SH2B3: variants seen among roughly 807,000 people sequenced by gnomAD.
SH2B3 encodes the protein SH2B adapter protein 3.
Under a neutral mutation model 51.9 loss-of-function variants are expected in SH2B3, and 43 were observed. The observed-to-expected ratio is 0.83, with a 90% CI of 0.65 to 1.07. The LOEUF (loss-of-function observed/expected upper bound fraction) is 1.07, where lower values mean the gene tolerates loss of function less well. Ranked by LOEUF, SH2B3 falls within the 50% of genes least tolerant of loss-of-function variation. The probability of loss-of-function intolerance (pLI) is 0.00; values close to 1 mark genes in which losing one functional copy is unlikely to be tolerated. For synonymous variants in SH2B3, 396 were observed against 376.0 expected (o/e 1.05, Z -0.62); for missense variants, 952 against 834.3 (o/e 1.14, Z -1.74).
chr12:111,448,727 G>A lies in SH2B3; in HGVS notation c.*425G>A, dbSNP rs144008428. On this transcript the variant is annotated 3_prime_UTR_variant, in exon 8 of 8. Coordinates refer to ENST00000341259, the MANE Select transcript of SH2B3 (RefSeq NM_005475.3). Reference sequence around the variant, plus strand: ...CAGGAAGCCCAGAACACTAACAAGCGGTTCTCCCATCTACCGTCAGTCCAC... The same window carrying A: ...CAGGAAGCCCAGAACACTAACAAGCAGTTCTCCCATCTACCGTCAGTCCAC... The A allele has an allele frequency of 2.8e-4, 53 of 188,692 alleles. 1 individual carries two copies. The highest frequency in any genetic ancestry group is 1.1e-3 in the African/African-American group (47 of 42,674). The allele number at this position is 188,692 out of a possible 1,614,324, so 11.7% of individuals were successfully genotyped here.
At chr12:111,430,018 G>A (rs1216603634) in intron 2 of SH2B3, among the ~76,000 whole-genome samples, 5 of 152,298 alleles carry the variant, frequency 3.3e-5, no homozygotes, top group East Asian at 1.9e-4. Flanking sequence ...TTAAGAAGCC[G>A]GTTTTTTCCT....
chr12:111,435,453 C>G lies in SH2B3; in HGVS notation c.733-11300C>G, dbSNP rs1424344415. Among the ~76,000 whole-genome samples, 1 of 152,244 alleles carries G rather than the reference C, an allele frequency of 6.6e-6. No homozygotes were observed. The highest frequency in any genetic ancestry group is 1.5e-5 in the Non-Finnish European group (1 of 68,040). On this transcript the variant is annotated intron_variant, in intron 2 of 7. Coordinates refer to ENST00000341259, the MANE Select transcript of SH2B3 (RefSeq NM_005475.3). This position sits in a 1 kb window ranked among gnomAD's most constrained non-coding sequence, Gnocchi z 4.8. Reference sequence around the variant, plus strand: ...TCGGCTCACTGCAACCTCCGCCTCCCAGGTTCAGGTGATTCTCGTGCCTCA... The same window carrying G: ...TCGGCTCACTGCAACCTCCGCCTCCGAGGTTCAGGTGATTCTCGTGCCTCA...
intron 2 of SH2B3, among the ~76,000 whole-genome samples, chr12:111,422,239 C>G (rs1364612972): frequency 6.6e-6 from 1 of 152,092 alleles, no homozygotes; most frequent in African/African-American, 2.4e-5. Context: ...TGCCACCACA[C>G]CCAGCTGATT....
At chr12:111,411,049 A>G (rs1870657667) in intron 1 of SH2B3, among the ~76,000 whole-genome samples, 1 of 151,996 alleles carries the variant, frequency 6.6e-6, no homozygotes, top group African/African-American at 2.4e-5. Flanking sequence ...GGCCCAATTT[A>G]ACTTCATTTA....
At chr12:111,439,955 C>T (rs1873251559) in intron 2 of SH2B3, among the ~76,000 whole-genome samples, 1 of 152,204 alleles carries the variant, frequency 6.6e-6, no homozygotes, top group African/African-American at 2.4e-5. Context: ...CCACCACTTT[C>T]TGCCTTTGAG....
intron 2 of SH2B3, among the ~76,000 whole-genome samples, chr12:111,420,677 C>T (rs1324209214): frequency 6.6e-6 from 1 of 152,206 alleles, no homozygotes; most frequent in Admixed American, 6.5e-5. Context: ...GGAGCACCTA[C>T]TATGTGTTAG....
Position 111,438,165 on chromosome 12 carries a change from T to C in SH2B3, c.733-8588T>C, listed in dbSNP as rs1012969851. 1.4e-5 allele frequency among the ~76,000 whole-genome samples: 2 copies of C among 143,564 alleles called. No homozygotes were observed. The highest frequency in any genetic ancestry group is 3.0e-5 in the Non-Finnish European group (2 of 65,708). 94.2% of individuals were successfully genotyped at this position (143,564 alleles called of 152,430 possible). On this transcript the variant is annotated intron_variant, in intron 2 of 7. Coordinates refer to ENST00000341259, the MANE Select transcript of SH2B3 (RefSeq NM_005475.3). The surrounding 1 kb of genome is among the most constrained non-coding windows in gnomAD (Gnocchi z 4.2). ...GGGCATCACAAATGCAGGGGCTGGGTGGCAGGGGAAGGTGTGGGCGGGAAG... is the reference window on the plus strand; with the variant it reads ...GGGCATCACAAATGCAGGGGCTGGGCGGCAGGGGAAGGTGTGGGCGGGAAG...
Position 111,429,623 on chromosome 12 carries a change from C to A in SH2B3, c.732+10746C>A, listed in dbSNP as rs1872298004. 6.6e-6 allele frequency among the ~76,000 whole-genome samples: 1 copy of A among 152,232 alleles called. No homozygotes were observed. The highest frequency in any genetic ancestry group is 6.5e-5 in the Admixed American group (1 of 15,284). On this transcript the variant is annotated intron_variant, in intron 2 of 7. Coordinates refer to ENST00000341259, the MANE Select transcript of SH2B3 (RefSeq NM_005475.3). The surrounding 1 kb of genome is among the most constrained non-coding windows in gnomAD (Gnocchi z 4.4). ...TGCTAGGATTACAGGCGTGAGCTAC[C>A]GCGCCCGGCCCATTTTTATTAATTG...
In SH2B3 at chr12:111,407,879, G is replaced by A. The variant is rs1256392639; in HGVS notation, c.-28+1602G>A. 1.3e-5 allele frequency among the ~76,000 whole-genome samples: 2 copies of A among 152,166 alleles called. No individual in the cohort carries two copies. Among genetic ancestry groups the A allele is most frequent in the Non-Finnish European group, 2.9e-5 (2 of 68,038 alleles). On this transcript the variant is annotated intron_variant, in intron 1 of 7. Coordinates refer to ENST00000341259, the MANE Select transcript of SH2B3 (RefSeq NM_005475.3). This position sits in a 1 kb window ranked among gnomAD's most constrained non-coding sequence, Gnocchi z 4.3. ...GTGCTTTGCTACTCCTATTGCCTTC[G>A]TTCAGCTGAAGGCGTGGGCAAGTGA... is the stretch of plus-strand genomic sequence containing the variant.
At chr12:111,413,645 G>T (rs1870874336) in intron 1 of SH2B3, among the ~76,000 whole-genome samples, 1 of 152,218 alleles carries the variant, frequency 6.6e-6, no homozygotes. Flanking sequence ...GGGCGGGGGA[G>T]GTTGGTTCAT....
At position 111,451,237 on chromosome 12, in the gene SH2B3, G is replaced by A. The variant is rs943182976; in HGVS notation, c.*2935G>A. On this transcript the variant is annotated 3_prime_UTR_variant, in exon 8 of 8. Transcript: ENST00000341259. ...TAGCAATCATTAAAATCTTGGGCCA[G>A]AGAACACTATTTTTACATAACAGTT... 1 of 152,670 alleles carries A rather than the reference G, an allele frequency of 6.6e-6. No individual in the cohort carries two copies. The highest frequency in any genetic ancestry group is 1.5e-5 in the Non-Finnish European group (1 of 68,048). 9.5% of individuals were successfully genotyped at this position (152,670 alleles called of 1,614,324 possible).
Position 111,407,513 on chromosome 12 carries a change from G to C in SH2B3, c.-28+1236G>C, listed in dbSNP as rs529863891. 6.6e-6 allele frequency among the ~76,000 whole-genome samples: 1 copy of C among 152,336 alleles called. No individual in the cohort carries two copies. Among genetic ancestry groups the C allele is most frequent in the Admixed American group, 6.5e-5 (1 of 15,304 alleles). On this transcript the variant is annotated intron_variant, in intron 1 of 7. Transcript: ENST00000341259. This position sits in a 1 kb window ranked among gnomAD's most constrained non-coding sequence, Gnocchi z 4.3. ...CATCACTGACCTGGCTGCCTGAGTG[G>C]AAACAGCTCTGGAGGCTCCTCGGGA... is the stretch of plus-strand genomic sequence containing the variant.
Position 111,418,981 on chromosome 12 carries a change from C to A in SH2B3, c.732+104C>A. The A allele has an allele frequency of 8.9e-7, 1 of 1,121,722 alleles. No individual in the cohort carries two copies. Among genetic ancestry groups the A allele is most frequent in the Non-Finnish European group, 1.2e-6 (1 of 855,712 alleles). The allele number at this position is 1,121,722 out of a possible 1,614,324, so 69.5% of individuals were successfully genotyped here. On this transcript the variant is annotated intron_variant, in intron 2 of 7. Transcript: ENST00000341259. The surrounding 1 kb of genome is among the most constrained non-coding windows in gnomAD (Gnocchi z 6.7). The stretch of plus-strand genomic sequence containing the variant: ...GGTGTGATGGCTTTCCAGCTGGTGG[C>A]CACAGAGTGTCCAGAGGGAACTAGG...
chr12:111,434,925 TG>T, intron 2 of SH2B3: 1 of 1,535,586 alleles, frequency 6.5e-7, no homozygotes, highest in Non-Finnish European at 8.7e-7. Context: ...TGCTGTGCCG[TG>T]GCTGGAGGAG....
intron 2 of SH2B3, among the ~76,000 whole-genome samples, chr12:111,430,102 C>G (rs1171536174): frequency 1.3e-5 from 2 of 152,180 alleles, no homozygotes; most frequent in East Asian, 3.9e-4. Flanking sequence ...TCACTCTGTC[C>G]TGGGCTGCCA....
intron 2 of SH2B3, among the ~76,000 whole-genome samples, chr12:111,419,899 C>G (rs551507483): frequency 1.3e-5 from 2 of 152,192 alleles, no homozygotes; most frequent in Non-Finnish European, 2.9e-5. Flanking sequence ...TCTCCTTAGG[C>G]GCCTCTTGGC....
At position 111,429,033 on chromosome 12, in the gene SH2B3, G is replaced by GGAGGAGGAGGAGGAA; in HGVS notation, c.732+10171_732+10185dup. On this transcript the variant is annotated intron_variant, in intron 2 of 7. Coordinates refer to ENST00000341259, the MANE Select transcript of SH2B3 (RefSeq NM_005475.3). The surrounding 1 kb of genome is among the most constrained non-coding windows in gnomAD (Gnocchi z 4.4). ...AGGAGTGCGAGGAGGAGGAGGAGGA[G>GGAGGAGGAGGAGGAA]GAGGAGGAGGAGGAAGAGGAGGAGG... is the stretch of plus-strand genomic sequence containing the variant. Among the ~76,000 whole-genome samples, 2 of 148,138 alleles carry GGAGGAGGAGGAGGAA rather than the reference G, an allele frequency of 1.4e-5. No homozygotes were observed. The highest frequency in any genetic ancestry group is 4.9e-5 in the African/African-American group (2 of 41,044).
At chr12:111,428,576 G>C (rs1872194685) in intron 2 of SH2B3, among the ~76,000 whole-genome samples, 1 of 152,124 alleles carries the variant, frequency 6.6e-6, no homozygotes, top group East Asian at 1.9e-4. Context: ...GACATTTGGG[G>C]CACCCAGAAG....
rs1043649356 is a variant in SH2B3 at position 111,409,162 on chromosome 12, G to C, written c.-28+2885G>C. Among the ~76,000 whole-genome samples the C allele has an allele frequency of 2.6e-5, 4 of 152,182 alleles. No individual in the cohort carries two copies. The highest frequency in any genetic ancestry group is 5.9e-5 in the Non-Finnish European group (4 of 68,032). ...CCCAGGGTTGGGTGTGTGAAGTACA[G>C]TGTCAGGACTGGAACTGTGTTGGCT... On this transcript the variant is annotated intron_variant, in intron 1 of 7. Transcript: ENST00000341259. This position sits in a 1 kb window ranked among gnomAD's most constrained non-coding sequence, Gnocchi z 4.0.
Sources: allele counts gnomAD v4.1 joint callset (sites outside exome capture counted in the v4.1 genomes callset), GRCh38; gene constraint gnomAD v4.1.1; non-coding constraint Gnocchi (gnomAD v3.1); transcripts MANE v1.5; gene names NCBI Gene and HGNC (gene_info 2026-07-23, HGNC 2026-07-21).